NCKAP5: variants seen among roughly 807,000 people sequenced by gnomAD.
NCKAP5 encodes the protein nck-associated protein 5.
Under a neutral mutation model 167.0 loss-of-function variants are expected in NCKAP5, and 92 were observed. The ratio of observed to expected loss-of-function variants is 0.55; its 90% confidence interval spans 0.47 to 0.66. The LOEUF (loss-of-function observed/expected upper bound fraction) is 0.66. Among genes scored for constraint, NCKAP5 ranks in the 30% least tolerant of loss-of-function variants. NCKAP5 has a pLI of 0.00. For synonymous variants in NCKAP5, 891 were observed against 877.4 expected (o/e 1.02, Z -0.27); for missense variants, 2,378 against 2,315.0 (o/e 1.03, Z -0.56).
At chr2:132,953,524 G>A (rs1352990678) in intron 8 of NCKAP5, among the ~76,000 whole-genome samples, 2 of 151,924 alleles carry the variant, frequency 1.3e-5, no homozygotes, top group Non-Finnish European at 2.9e-5. Flanking sequence ...TTCCAACAAT[G>A]TGAGTATCTC....
At chr2:133,657,528 A>G in the NCKAP5 span, among the ~76,000 whole-genome samples, 4 of 152,208 alleles carry the variant, frequency 2.6e-5, no homozygotes, top group Non-Finnish European at 5.9e-5. Context: ...GTAATTTCCA[A>G]TGACTAATGG....
At chr2:132,706,620 G>A (rs1688381494) in intron 19 of NCKAP5, among the ~76,000 whole-genome samples, 1 of 152,002 alleles carries the variant, frequency 6.6e-6, no homozygotes, top group Admixed American at 6.6e-5. Flanking sequence ...CTATCTGCTT[G>A]TCTGTTTTGG....
chr2:133,296,268 C>T (rs1246334785), intron 4 of NCKAP5, among the ~76,000 whole-genome samples: 5 of 152,212 alleles, frequency 3.3e-5, no homozygotes, highest in East Asian at 1.9e-4. Flanking sequence ...ACTGACTCGG[C>T]GCAAGAAGAC....
At chr2:133,485,793 G>A (rs1680856021) in intron 3 of NCKAP5, among the ~76,000 whole-genome samples, 1 of 151,974 alleles carries the variant, frequency 6.6e-6, no homozygotes, top group Non-Finnish European at 1.5e-5. Flanking sequence ...TGGGGAGGAG[G>A]GTGTCAGTCC....
chr2:132,883,300 C>T (rs1691934847), intron 8 of NCKAP5, among the ~76,000 whole-genome samples: 1 of 151,926 alleles, frequency 6.6e-6, no homozygotes, highest in Non-Finnish European at 1.5e-5. Flanking sequence ...TTCTTCCTTT[C>T]TCTCCTTTTT....
chr2:133,036,888 G>A (rs375607220), intron 6 of NCKAP5, among the ~76,000 whole-genome samples: 2 of 151,918 alleles, frequency 1.3e-5, no homozygotes, highest in African/African-American at 4.8e-5. Context: ...TATCCTTGTT[G>A]GCAGATGATA....
intron 16 of NCKAP5, among the ~76,000 whole-genome samples, chr2:132,738,963 A>T (rs546456123): frequency 1.3e-5 from 2 of 152,338 alleles, no homozygotes; most frequent in East Asian, 3.9e-4. Context: ...AATGGGGGTC[A>T]CAATTCAACA....
At chr2:133,514,026 A>G (rs1195145896) in intron 3 of NCKAP5, among the ~76,000 whole-genome samples, 1 of 152,172 alleles carries the variant, frequency 6.6e-6, no homozygotes, top group African/African-American at 2.4e-5. Flanking sequence ...TTTCTGATCA[A>G]AAAGCACCCT....
chr2:133,647,061 GA>G, the NCKAP5 span, among the ~76,000 whole-genome samples: 1 of 151,870 alleles, frequency 6.6e-6, no homozygotes, highest in Non-Finnish European at 1.5e-5. Context: ...AGCAAGAGAA[GA>G]AAAAAACAGA....
intron 3 of NCKAP5, among the ~76,000 whole-genome samples, chr2:133,503,257 G>A (rs1444578905): frequency 6.6e-6 from 1 of 152,192 alleles, no homozygotes; most frequent in Non-Finnish European, 1.5e-5. Context: ...CAACTGTACT[G>A]GGGGTATAAC....
chr2:133,547,547 C>T (rs536442971), intron 2 of NCKAP5, among the ~76,000 whole-genome samples: 3,436 of 151,854 alleles, frequency 0.023, 96 homozygotes, highest in African/African-American at 0.079. Flanking sequence ...CGGCAGACTG[C>T]CTCCTCAAGT....
At chr2:133,660,807 C>T in the NCKAP5 span, among the ~76,000 whole-genome samples, 2 of 152,116 alleles carry the variant, frequency 1.3e-5, no homozygotes, top group African/African-American at 4.8e-5. Flanking sequence ...AGTGTTTAAT[C>T]TAGTTTGCGG....
At chr2:132,966,555 CAACTTAGGAAATGTGA>C (rs1428833840) in intron 7 of NCKAP5, among the ~76,000 whole-genome samples, 1 of 152,110 alleles carries the variant, frequency 6.6e-6, no homozygotes, top group Non-Finnish European at 1.5e-5. Context: ...AACAGTACAC[CAACTTAGGAAATGTGA>C]AATTATTGTT....
rs61331878 is a variant in NCKAP5, at chr2:133,256,187, C to T, written c.144-42408G>A. 5.1e-3 allele frequency among the ~76,000 whole-genome samples: 774 copies of T among 152,112 alleles called. 15 individuals carry two copies. In the South Asian group the frequency reaches 0.059, roughly 12 times the overall value. ...GGTACTAATCTAACACTAATATGTA[C>T]AATAATTGTATGCTTATATTTATGT... On this transcript the variant is annotated intron_variant, in intron 4 of 19. Transcript: ENST00000409261.
chr2:133,395,022 C>G (rs1331469906), intron 3 of NCKAP5, among the ~76,000 whole-genome samples: 1 of 152,144 alleles, frequency 6.6e-6, no homozygotes, highest in African/African-American at 2.4e-5. Flanking sequence ...AGTAAATATC[C>G]CCTAAATGTT....
intron 18 of NCKAP5, among the ~76,000 whole-genome samples, 170 bp from the exon 19 acceptor site, chr2:132,725,929 T>C (rs1690418609): frequency 6.6e-6 from 1 of 152,188 alleles, no homozygotes; most frequent in Non-Finnish European, 1.5e-5. Context: ...TTGCCGGTTT[T>C]TCTGCCTCCT....
At chr2:133,419,687 A>C (rs770253929) in intron 3 of NCKAP5, among the ~76,000 whole-genome samples, 1 of 152,186 alleles carries the variant, frequency 6.6e-6, no homozygotes, top group Non-Finnish European at 1.5e-5. Context: ...CATTTCACTC[A>C]TTTGTATGAT....
At chr2:133,412,314 C>T (rs1688827137) in intron 3 of NCKAP5, among the ~76,000 whole-genome samples, 1 of 152,212 alleles carries the variant, frequency 6.6e-6, no homozygotes, top group South Asian at 2.1e-4. Context: ...ACCGTGCTGG[C>T]CCTGATCTTG....
chr2:133,191,549 A>G (rs1373709128), intron 5 of NCKAP5, among the ~76,000 whole-genome samples: 1 of 152,238 alleles, frequency 6.6e-6, no homozygotes, highest in Non-Finnish European at 1.5e-5. Context: ...CTGGATTAAG[A>G]AAATGTGGCA....
Sources: allele counts gnomAD v4.1 joint callset (sites outside exome capture counted in the v4.1 genomes callset), GRCh38; gene constraint gnomAD v4.1.1; transcripts MANE v1.5; gene names NCBI Gene and HGNC (gene_info 2026-07-23, HGNC 2026-07-21).